The following TNNI3K variants were observed in gnomAD, a reference collection of about 807,000 sequenced individuals.
TNNI3K encodes serine/threonine-protein kinase TNNI3K.
Under a neutral mutation model 114.5 loss-of-function variants are expected in TNNI3K, and 140 were observed. That is an observed-to-expected ratio of 1.22 (90% confidence interval 1.07 to 1.41). The LOEUF (loss-of-function observed/expected upper bound fraction) is 1.41. Among genes scored for constraint, TNNI3K ranks in the 40% most tolerant of loss-of-function variants. The pLI is 0.00. For synonymous variants in TNNI3K, 347 were observed against 347.5 expected (o/e 1.00, Z 0.02); for missense variants, 1,125 against 1,007.6 (o/e 1.12, Z -1.58).
At chr1:74,391,954 A>ATTTTTTTTTTTTT (rs1557539031) in intron 17 of TNNI3K, among the ~76,000 whole-genome samples, 68 of 93,256 alleles carry the variant, frequency 7.3e-4, no homozygotes, top group African/African-American at 3.7e-3. Context: ...GGTACAGCTT[A>ATTTTTTTTTTTTT]TTATTTTTTT....
At chr1:74,287,772 A>G (rs1254041548) in intron 5 of TNNI3K, among the ~76,000 whole-genome samples, 1 of 152,204 alleles carries the variant, frequency 6.6e-6, no homozygotes, top group African/African-American at 2.4e-5. Context: ...AGCAAAAGAA[A>G]CAATCAACAG....
chr1:74,407,741 T>G (rs1371418542), intron 17 of TNNI3K, among the ~76,000 whole-genome samples: 3 of 152,184 alleles, frequency 2.0e-5, no homozygotes, highest in Non-Finnish European at 2.9e-5. Context: ...CTGTGCTATT[T>G]GTACAGAATG....
Position 74,367,315 on chromosome 1 carries a change from T to C in TNNI3K, c.1237T>C (p.Cys413Arg). The change falls in exon 12 of 25, where the codon TGT becomes CGT. Residue 413 changes from cysteine (C) to arginine (R), a missense_variant. Physicochemically the swap from Cys to Arg is radical, Grantham distance 180. Coordinates refer to ENST00000326637, the MANE Select transcript of TNNI3K (RefSeq NM_015978.3). ...HYKRPQDELP[C>R]NEYSQPGGDG... ...TAAGAGACCACAAGATGAATTGCCCTGTAATGAATATTCTCAGCCTGGAGG... is the reference window on the plus strand; with the variant it reads ...TAAGAGACCACAAGATGAATTGCCCCGTAATGAATATTCTCAGCCTGGAGG... The C allele has an allele frequency of 6.2e-7, 1 of 1,612,272 alleles. No homozygotes were observed. Among genetic ancestry groups the C allele is most frequent in the Non-Finnish European group, 8.5e-7 (1 of 1,178,764 alleles).
intron 23 of TNNI3K, among the ~76,000 whole-genome samples, chr1:74,506,241 G>A (rs550054150): frequency 5.9e-5 from 9 of 152,280 alleles, no homozygotes; most frequent in South Asian, 4.2e-4. Context: ...TGTTCTAGAC[G>A]CTATTGTGCA....
At chr1:74,530,356 A>G (rs752218116) in intron 23 of TNNI3K, among the ~76,000 whole-genome samples, 2 of 152,182 alleles carry the variant, frequency 1.3e-5, no homozygotes, top group African/African-American at 4.8e-5. Context: ...TTGAATTACA[A>G]CTGGGTTATC....
intron 20 of TNNI3K, 51 bp downstream of exon 20, chr1:74,439,673 T>C: frequency 3.1e-6 from 5 of 1,592,800 alleles, no homozygotes; most frequent in Non-Finnish European, 4.3e-6. Context: ...TTCACTGGAT[T>C]TTTATAACTT....
chr1:74,369,374 G>A lies in TNNI3K; in HGVS notation c.1473-17G>A, dbSNP rs1195603986. On this transcript the variant is annotated splice_polypyrimidine_tract_variant and intron_variant, in intron 15 of 24. Transcript: ENST00000326637. ...TCCATCTGTTTACTGAAGATTTTCT[G>A]TTGCTGCCATTTCCAGTTATCGAGC... 1 of 1,605,988 alleles carries A rather than the reference G, an allele frequency of 6.2e-7. No homozygotes were observed. Among genetic ancestry groups the A allele is most frequent in the Non-Finnish European group, 8.5e-7 (1 of 1,176,022 alleles).
intron 5 of TNNI3K, among the ~76,000 whole-genome samples, chr1:74,327,184 A>G (rs1402669593): frequency 6.6e-6 from 1 of 151,578 alleles, no homozygotes; most frequent in Non-Finnish European, 1.5e-5. Context: ...TTGAGAGTCA[A>G]CTGGTAAATA....
intron 6 of TNNI3K, among the ~76,000 whole-genome samples, chr1:74,332,059 A>G (rs1171417177): frequency 1.3e-5 from 2 of 152,176 alleles, no homozygotes; most frequent in African/African-American, 4.8e-5. Context: ...TTTACTTTAA[A>G]TATGTGATTC....
chr1:74,465,458 C>T (rs760200549), intron 21 of TNNI3K, among the ~76,000 whole-genome samples: 11 of 152,220 alleles, frequency 7.2e-5, no homozygotes, highest in Non-Finnish European at 1.0e-4. Flanking sequence ...CCGCCCGCAC[C>T]GTGCTCAAAT....
At chr1:74,321,404 A>G (rs1187513185) in intron 5 of TNNI3K, among the ~76,000 whole-genome samples, 1 of 152,030 alleles carries the variant, frequency 6.6e-6, no homozygotes, top group Non-Finnish European at 1.5e-5. Flanking sequence ...TTAAACCATA[A>G]ATATCCTACA....
At chr1:74,330,785 G>A (rs1660161937) in intron 5 of TNNI3K, among the ~76,000 whole-genome samples, 1 of 152,056 alleles carries the variant, frequency 6.6e-6, no homozygotes, top group Admixed American at 6.6e-5. Context: ...TTCCTGGTAG[G>A]GTTTTTCATT....
chr1:74,449,266 A>G (rs1445502880), intron 20 of TNNI3K, among the ~76,000 whole-genome samples: 2 of 151,724 alleles, frequency 1.3e-5, no homozygotes, highest in Non-Finnish European at 2.9e-5. Context: ...TGTTTGTAGT[A>G]TTCTCTGATG....
At chr1:74,422,113 G>A (rs1665428649) in intron 17 of TNNI3K, among the ~76,000 whole-genome samples, 1 of 151,858 alleles carries the variant, frequency 6.6e-6, no homozygotes, top group South Asian at 2.1e-4. Flanking sequence ...GCCATAATGT[G>A]CTAATACCTT....
intron 21 of TNNI3K, chr1:74,470,645 C>T (rs1667881430): frequency 2.5e-6 from 1 of 400,540 alleles, no homozygotes; most frequent in South Asian, 1.3e-4. Context: ...TTTTCTACAT[C>T]ATTTTCTTCC....
At chr1:74,287,075 A>T (rs1357105770) in intron 5 of TNNI3K, among the ~76,000 whole-genome samples, 3 of 148,948 alleles carry the variant, frequency 2.0e-5, no homozygotes. Flanking sequence ...TTCACAGAGA[A>T]CTTCAACACA....
At chr1:74,346,308 C>A (rs893716785) in intron 9 of TNNI3K, 2 of 152,062 alleles carry the variant, frequency 1.3e-5, no homozygotes, top group Non-Finnish European at 2.9e-5. Flanking sequence ...GATGGTTTTA[C>A]CAGGAATCAT....
rs376545093 is a variant in TNNI3K at position 74,331,560 on chromosome 1, A to G, written c.543+12A>G. On this transcript the variant is annotated intron_variant, in intron 6 of 24. Transcript: ENST00000326637. Reference sequence around the variant, plus strand: ...ATGGACATGAACAGGTAAGTCTGACAGTAGGATTTCCAAAGGTTAGGTGTT... The same window carrying G: ...ATGGACATGAACAGGTAAGTCTGACGGTAGGATTTCCAAAGGTTAGGTGTT... 6 of 1,606,458 alleles carry G rather than the reference A, an allele frequency of 3.7e-6. No individual in the cohort carries two copies. The highest frequency in any genetic ancestry group is 5.1e-6 in the Non-Finnish European group (6 of 1,175,174).
At chr1:74,436,645 G>A in intron 19 of TNNI3K, 119 bp downstream of exon 19, 1 of 1,020,022 alleles carries the variant, frequency 9.8e-7, no homozygotes, top group Non-Finnish European at 1.4e-6. Context: ...CTCAGTGTTG[G>A]GATAATGGCT....
Sources: gnomAD v4.1 joint callset for allele counts (sites outside exome capture counted in the v4.1 genomes callset) on GRCh38, gnomAD v4.1.1 for gene constraint, MANE v1.5 for transcripts, NCBI Gene and HGNC (gene_info 2026-07-23, HGNC 2026-07-21) for gene names.